The following GABPB2 variants were observed in gnomAD, a reference collection of about 807,000 sequenced individuals.
GABPB2 encodes the protein GA binding protein transcription factor subunit beta 2, also known as GA-binding protein subunit beta-2.
A neutral mutation model predicts 39.1 loss-of-function variants in GABPB2; 23 were observed. The ratio of observed to expected loss-of-function variants is 0.59; its 90% confidence interval spans 0.42 to 0.83. The LOEUF (loss-of-function observed/expected upper bound fraction) is 0.83. GABPB2 is among the 40% of genes least tolerant of loss of function. The probability of loss-of-function intolerance (pLI) is 0.00; values close to 1 mark genes in which losing one functional copy is unlikely to be tolerated. For missense variants in GABPB2, 467 were observed against 541.1 expected (o/e 0.86, Z 1.36); for synonymous variants, 184 against 199.3 (o/e 0.92, Z 0.65).
intron 4 of GABPB2, among the ~76,000 whole-genome samples, chr1:151,093,973 G>A (rs1161698387): frequency 6.7e-6 from 1 of 149,706 alleles, no homozygotes; most frequent in Non-Finnish European, 1.5e-5. Flanking sequence ...GACTATCTAT[G>A]AAGCTCTAAA....
intron 1 of GABPB2, among the ~76,000 whole-genome samples, chr1:151,079,244 T>G (rs587731795): frequency 1.3e-5 from 2 of 152,102 alleles, no homozygotes; most frequent in South Asian, 4.1e-4. Flanking sequence ...GAAAGATGAT[T>G]AAAGAAGAGT....
rs1019938445 is a variant in GABPB2, at chr1:151,088,481, G to A, written c.108+184G>A. The A allele has an allele frequency of 1.4e-5, 19 of 1,338,510 alleles. No individual in the cohort carries two copies. The Middle Eastern group carries it at 5.5e-4, about 39-fold the overall frequency. The allele number at this position is 1,338,510 out of a possible 1,614,324, so 82.9% of individuals were successfully genotyped here. A position where few individuals can be genotyped will look rare whatever the true frequency, so the allele number is the denominator to read the frequency against. On this transcript the variant is annotated intron_variant, in intron 2 of 8. Transcript: ENST00000368918. ...TCTTTTTCTTTTAGTTTTCCAAATT[G>A]AGAGTCTCCTGTGGATATATAGGTG...
intron 1 of GABPB2, among the ~76,000 whole-genome samples, chr1:151,081,666 G>A (rs1455063315): frequency 6.6e-6 from 1 of 150,500 alleles, no homozygotes; most frequent in Non-Finnish European, 1.5e-5. Context: ...ATGGTGTCTC[G>A]CTCTGTCACC....
intron 6 of GABPB2, among the ~76,000 whole-genome samples, 169 bp downstream of exon 6, chr1:151,103,844 G>C (rs1175184559): frequency 6.6e-6 from 1 of 152,230 alleles, no homozygotes; most frequent in Non-Finnish European, 1.5e-5. Context: ...TTGCTAGGTG[G>C]TATAATCAGA....
Position 151,122,009 on chromosome 1 carries a change from C to G in GABPB2, c.*3753C>G, listed in dbSNP as rs1453592510. 6.6e-6 allele frequency: 1 copy of G among 152,092 alleles called. No individual in the cohort carries two copies. The highest frequency in any genetic ancestry group is 2.4e-5 in the African/African-American group (1 of 41,416). 9.4% of individuals were successfully genotyped at this position (152,092 alleles called of 1,614,324 possible). A position where few individuals can be genotyped will look rare whatever the true frequency, so the allele number is the denominator to read the frequency against. On this transcript the variant is annotated 3_prime_UTR_variant, in exon 9 of 9. Coordinates refer to ENST00000368918, the MANE Select transcript of GABPB2 (RefSeq NM_144618.3). ...ACATGCATTTTTAATTTGGAAAAAACCTGACAGTTAACATGGTTCTGTTTA... is the reference window on the plus strand; with the variant it reads ...ACATGCATTTTTAATTTGGAAAAAAGCTGACAGTTAACATGGTTCTGTTTA...
At chr1:151,106,995 T>C in intron 6 of GABPB2, 42 bp from the exon 7 acceptor site, 1 of 1,474,408 alleles carries the variant, frequency 6.8e-7, no homozygotes, top group Non-Finnish European at 9.2e-7. Context: ...CTCCTATGTT[T>C]TTAAAAAGCT....
intron 1 of GABPB2, among the ~76,000 whole-genome samples, chr1:151,082,224 A>T (rs180910977): frequency 1.3e-5 from 2 of 149,948 alleles, no homozygotes; most frequent in Admixed American, 1.3e-4. Flanking sequence ...CTACAGGCAC[A>T]TGCCACCATG....
intron 3 of GABPB2, 115 bp downstream of exon 3, chr1:151,090,688 T>G: frequency 9.5e-7 from 1 of 1,050,136 alleles, no homozygotes; most frequent in Non-Finnish European, 1.4e-6. Flanking sequence ...AGGACAGTTA[T>G]AGCATTAAGT....
At chr1:151,097,719 C>T in intron 4 of GABPB2, 133 bp from the exon 5 acceptor site, 1 of 748,934 alleles carries the variant, frequency 1.3e-6, no homozygotes. Flanking sequence ...GTGGAGGTTG[C>T]AATGAGCCAA....
chr1:151,103,833 A>G (rs1465865103), intron 6 of GABPB2, among the ~76,000 whole-genome samples, 158 bp downstream of exon 6: 2 of 152,350 alleles, frequency 1.3e-5, no homozygotes, highest in African/African-American at 4.8e-5. Flanking sequence ...AGAAAGAAAA[A>G]TTGCTAGGTG....
chr1:151,097,774 C>G, intron 4 of GABPB2, 78 bp from the exon 5 acceptor site: 1 of 1,287,526 alleles, frequency 7.8e-7, no homozygotes, highest in South Asian at 1.4e-5. Context: ...GTGAGACTGT[C>G]TCAAAAAAAA....
rs1052463738 is a variant in GABPB2, at chr1:151,125,031, G to A, written c.*6775G>A. On this transcript the variant is annotated 3_prime_UTR_variant, in exon 9 of 9. Coordinates refer to ENST00000368918, the MANE Select transcript of GABPB2 (RefSeq NM_144618.3). The stretch of plus-strand genomic sequence containing the variant: ...TTTCCCAGGCATTCGAATTTAGTTA[G>A]TAGGTCATTTCTAATCTCTGGGCCT... The A allele has an allele frequency of 1.3e-5, 2 of 152,024 alleles. No homozygotes were observed. Among genetic ancestry groups the A allele is most frequent in the African/African-American group, 4.8e-5 (2 of 41,390 alleles). 9.4% of individuals were successfully genotyped at this position (152,024 alleles called of 1,614,324 possible).
intron 7 of GABPB2, among the ~76,000 whole-genome samples, chr1:151,111,148 G>T (rs1680390009): frequency 6.6e-6 from 1 of 151,930 alleles, no homozygotes; most frequent in African/African-American, 2.4e-5. Context: ...AGATGTGGTG[G>T]CCCCAGCCTG....
chr1:151,082,393 T>A (rs1677801506), intron 1 of GABPB2, among the ~76,000 whole-genome samples: 4 of 1,938 alleles, frequency 2.1e-3, no homozygotes, highest in East Asian at 0.025. Flanking sequence ...TGGTAATTTC[T>A]TTTTTTTTTT....
intron 1 of GABPB2, among the ~76,000 whole-genome samples, chr1:151,073,371 G>A (rs777597849): frequency 6.6e-6 from 1 of 152,154 alleles, no homozygotes; most frequent in Non-Finnish European, 1.5e-5. Context: ...TAGGGAAAGT[G>A]GAGGTACAGC....
chr1:151,073,140 G>C (rs1032688041), intron 1 of GABPB2: 10 of 152,084 alleles, frequency 6.6e-5, no homozygotes, highest in African/African-American at 2.4e-4. Flanking sequence ...TTAGCCTCCT[G>C]AATAGCTAGG....
chr1:151,071,643 T>G (rs1034408560), intron 1 of GABPB2, among the ~76,000 whole-genome samples: 2 of 152,024 alleles, frequency 1.3e-5, no homozygotes, highest in African/African-American at 4.8e-5. Context: ...CTAATTTTTG[T>G]ATATTTTTAA....
rs771971461 is a variant in GABPB2, at chr1:151,117,449, A to C, written c.980A>C (p.Glu327Ala). The change falls in exon 8 of 9, where the codon GAA (glutamate) becomes GCA (alanine). Residue 327 changes from glutamate (E) to alanine (A), a missense_variant. Coordinates refer to ENST00000368918, the MANE Select transcript of GABPB2 (RefSeq NM_144618.3). Reference sequence around the variant, plus strand: ...GAGACTGTAATTAAAGAGGAAGAAGAAGAGAAGTTGCCACTAACAAAGAAA... The same window carrying C: ...GAGACTGTAATTAAAGAGGAAGAAGCAGAGAAGTTGCCACTAACAAAGAAA... Reference protein sequence around the residue: ...AEETVIKEEEEEKLPLTKKPR... With the variant: ...AEETVIKEEEAEKLPLTKKPR... The C allele has an allele frequency of 1.2e-6, 2 of 1,613,840 alleles. No individual in the cohort carries two copies. The highest frequency in any genetic ancestry group is 1.7e-6 in the Non-Finnish European group (2 of 1,179,734).
intron 7 of GABPB2, chr1:151,112,660 G>A (rs1168490735): frequency 2.0e-5 from 4 of 196,742 alleles, no homozygotes; most frequent in Non-Finnish European, 1.1e-5. Flanking sequence ...GGTTTGAGCA[G>A]ACATGACAAG....
Sources: gnomAD v4.1 joint callset for allele counts (sites outside exome capture counted in the v4.1 genomes callset) on GRCh38, gnomAD v4.1.1 for gene constraint, MANE v1.5 for transcripts, NCBI Gene and HGNC (gene_info 2026-07-23, HGNC 2026-07-21) for gene names.